UNC13C: variants seen among roughly 807,000 people sequenced by gnomAD.
The protein encoded by UNC13C is unc-13 homolog C, also known as protein unc-13 homolog C.
In UNC13C, 174 loss-of-function variants were observed where a neutral mutation model predicts 245.4. That is an observed-to-expected ratio of 0.71 (90% CI 0.63 to 0.80). The LOEUF (loss-of-function observed/expected upper bound fraction) is 0.80, where lower values mean the gene tolerates loss of function less well. Ranked by LOEUF, UNC13C falls within the 30% of genes least tolerant of loss-of-function variation. UNC13C has a pLI of 0.00. For synonymous variants in UNC13C, 992 were observed against 895.1 expected (o/e 1.11, Z -1.93); for missense variants, 2,829 against 2,602.9 (o/e 1.09, Z -1.89).
chr15:53,952,790 A>T, the UNC13C span, among the ~76,000 whole-genome samples: 2 of 152,356 alleles, frequency 1.3e-5, no homozygotes, highest in Admixed American at 6.5e-5. Context: ...TTCAAAGTCC[A>T]TCCTTCTTAC....
Position 54,015,804 on chromosome 15 carries a change from A to T in UNC13C, c.2901A>T (p.Arg967Ser), listed in dbSNP as rs1192533643. 1 of 1,611,684 alleles carries T rather than the reference A, an allele frequency of 6.2e-7. No homozygotes were observed. The highest frequency in any genetic ancestry group is 1.7e-5 in the Admixed American group (1 of 59,568). ...EQPVEITKPK[R>S]IRPSFKEAAL... is the part of the protein sequence containing the mutation. ...CAGTGGAGATCACAAAGCCAAAGAG[A>T]ATTCGTCCTTCTTTCAAAGAAGCAG... The change falls in exon 2 of 33, where the codon AGA becomes AGT. Residue 967 changes from arginine to serine, a missense_variant. By Grantham distance (110) the Arg-to-Ser change is moderately radical. Coordinates refer to ENST00000260323, the MANE Select transcript of UNC13C (RefSeq NM_001080534.3).
chr15:54,622,455 C>G, intron 31 of UNC13C, 36 bp downstream of exon 31: 1 of 1,482,232 alleles, frequency 6.7e-7, no homozygotes, highest in South Asian at 1.1e-5. Flanking sequence ...AAACAGCCTT[C>G]TAAACTTCTG....
intron 18 of UNC13C, among the ~76,000 whole-genome samples, chr15:54,395,539 A>G (rs991150637): frequency 1.1e-4 from 16 of 151,910 alleles, no homozygotes; most frequent in Non-Finnish European, 1.6e-4. Flanking sequence ...GTCACTAACA[A>G]TGAAGGCACA....
chr15:54,030,165 A>T (rs1896296562), intron 2 of UNC13C, among the ~76,000 whole-genome samples: 1 of 151,806 alleles, frequency 6.6e-6, no homozygotes, highest in Admixed American at 6.6e-5. Flanking sequence ...GCTTCCAGGG[A>T]CCACCTTCCA....
the UNC13C span, among the ~76,000 whole-genome samples, chr15:53,885,609 T>C: frequency 5.3e-5 from 8 of 152,192 alleles, no homozygotes; most frequent in South Asian, 1.0e-3. Context: ...TTCTGAAGGC[T>C]CCTATGTCAC....
At chr15:54,544,469 A>T (rs1294190822) in intron 26 of UNC13C, among the ~76,000 whole-genome samples, 1 of 152,234 alleles carries the variant, frequency 6.6e-6, no homozygotes. Context: ...AGAGAAAGAA[A>T]TAAAGGATAT....
intron 22 of UNC13C, among the ~76,000 whole-genome samples, chr15:54,501,560 G>C (rs1596482391): frequency 1.3e-5 from 2 of 151,924 alleles, no homozygotes; most frequent in Non-Finnish European, 2.9e-5. Context: ...AGTTTCAAGG[G>C]AAATATAAGA....
the UNC13C span, among the ~76,000 whole-genome samples, chr15:53,866,379 G>T: frequency 6.6e-6 from 1 of 152,264 alleles, no homozygotes; most frequent in East Asian, 1.9e-4. Context: ...CTTCAGAGCT[G>T]TTTAAGAAGA....
intron 4 of UNC13C, among the ~76,000 whole-genome samples, chr15:54,193,588 C>G (rs183944544): frequency 6.6e-6 from 1 of 152,130 alleles, no homozygotes; most frequent in Admixed American, 6.6e-5. Flanking sequence ...TGCACTCACA[C>G]CCCCAGCCCT....
At chr15:54,085,366 T>TAC (rs1426817841) in intron 2 of UNC13C, among the ~76,000 whole-genome samples, 1 of 152,264 alleles carries the variant, frequency 6.6e-6, no homozygotes, top group Admixed American at 6.5e-5. Context: ...TCCAGAGTCT[T>TAC]ACAAAGAAGG....
chr15:54,001,806 A>G (rs1894901012), intron 1 of UNC13C, among the ~76,000 whole-genome samples: 1 of 152,222 alleles, frequency 6.6e-6, no homozygotes, highest in Non-Finnish European at 1.5e-5. Context: ...GCCATGATCT[A>G]AAGTAGCCAA....
At chr15:54,101,441 C>G (rs1406250206) in intron 2 of UNC13C, among the ~76,000 whole-genome samples, 2 of 152,094 alleles carry the variant, frequency 1.3e-5, no homozygotes, top group Non-Finnish European at 2.9e-5. Flanking sequence ...TTTCTAAATA[C>G]TTTTAAAGGA....
At chr15:54,545,226 G>A (rs1387045759) in intron 26 of UNC13C, among the ~76,000 whole-genome samples, 1 of 152,164 alleles carries the variant, frequency 6.6e-6, no homozygotes, top group African/African-American at 2.4e-5. Context: ...AAATGATGTT[G>A]GGAAAACTGG....
chr15:54,105,164 A>G (rs1900373716), intron 2 of UNC13C, among the ~76,000 whole-genome samples: 1 of 152,120 alleles, frequency 6.6e-6, no homozygotes, highest in Non-Finnish European at 1.5e-5. Context: ...TCTCAGTCTC[A>G]CTTTTTGCCT....
At chr15:54,117,882 C>G (rs1290646318) in intron 2 of UNC13C, among the ~76,000 whole-genome samples, 2 of 152,052 alleles carry the variant, frequency 1.3e-5, no homozygotes, top group Non-Finnish European at 2.9e-5. Flanking sequence ...CGCCTGGCCC[C>G]AAACCATATA....
intron 19 of UNC13C, among the ~76,000 whole-genome samples, chr15:54,422,263 C>T (rs2040660440): frequency 6.6e-6 from 1 of 151,996 alleles, no homozygotes; most frequent in African/African-American, 2.4e-5. Flanking sequence ...TCACACTTCT[C>T]TCCATCTCTA....
rs115014340 is a variant in UNC13C, at chr15:54,134,406, G to A, written c.2984-8612G>A. 8.6e-3 allele frequency among the ~76,000 whole-genome samples: 1,212 copies of A among 141,234 alleles called. 22 individuals carry two copies. The highest frequency in any genetic ancestry group is 0.031 in the African/African-American group (1,164 of 37,990). 92.7% of individuals were successfully genotyped at this position (141,234 alleles called of 152,430 possible). ...ATGGCAGGAGTTTTTTCTTTTTAAT[G>A]GCTAAATAATCATCTGTGTGTGTGT... On this transcript the variant is annotated intron_variant, in intron 2 of 32. Transcript: ENST00000260323.
intron 17 of UNC13C, among the ~76,000 whole-genome samples, chr15:54,345,688 C>G (rs1015214395): frequency 1.3e-5 from 2 of 152,166 alleles, no homozygotes; most frequent in African/African-American, 4.8e-5. Flanking sequence ...ACTTTTCCAA[C>G]CTGCCACCCC....
At chr15:53,953,998 A>C in the UNC13C span, among the ~76,000 whole-genome samples, 1 of 152,194 alleles carries the variant, frequency 6.6e-6, no homozygotes, top group African/African-American at 2.4e-5. Context: ...CGAGCTTCAT[A>C]GTGAAGGAGC....
Sources: gnomAD v4.1 joint callset for allele counts (sites outside exome capture counted in the v4.1 genomes callset) on GRCh38, gnomAD v4.1.1 for gene constraint, MANE v1.5 for transcripts, NCBI Gene and HGNC (gene_info 2026-07-23, HGNC 2026-07-21) for gene names.